The following P2RY12 variants were observed in gnomAD, a reference collection of about 807,000 sequenced individuals.
P2RY12 encodes the protein P2Y purinoceptor 12.
A neutral mutation model predicts 4.5 loss-of-function variants in P2RY12; 3 were observed. The ratio of observed to expected loss-of-function variants is 0.67; its 90% CI spans 0.31 to 1.74. The LOEUF (loss-of-function observed/expected upper bound fraction) is 1.74. Among genes scored for constraint, P2RY12 ranks in the 40% most tolerant of loss-of-function variants. P2RY12 has a pLI of 0.09. For missense variants in P2RY12, 356 were observed against 407.8 expected, an observed-to-expected ratio of 0.87 and a Z score of 1.09; for synonymous variants, 148 against 154.1, an observed-to-expected ratio of 0.96 and a Z score of 0.29.
At chr3:151,370,377 T>A (rs547175865) in intron 1 of P2RY12, among the ~76,000 whole-genome samples, 3 of 152,118 alleles carry the variant, frequency 2.0e-5, no homozygotes, top group Non-Finnish European at 4.4e-5. Context: ...TTTAGATGAG[T>A]CCTAAATAAC....
chr3:151,363,426 G>A (rs554332147), intron 1 of P2RY12, among the ~76,000 whole-genome samples: 10 of 152,104 alleles, frequency 6.6e-5, no homozygotes, highest in Non-Finnish European at 1.5e-4. Flanking sequence ...TCACACAGTT[G>A]TGTGAGAGGA....
At chr3:151,381,934 G>A (rs1712432721) in intron 1 of P2RY12, among the ~76,000 whole-genome samples, 1 of 152,180 alleles carries the variant, frequency 6.6e-6, no homozygotes, top group Admixed American at 6.5e-5. Context: ...TCTCATTAAT[G>A]ACCATATTTC....
intron 1 of P2RY12, among the ~76,000 whole-genome samples, chr3:151,372,100 A>C (rs1166672728): frequency 6.6e-6 from 1 of 152,212 alleles, no homozygotes; most frequent in African/African-American, 2.4e-5. Flanking sequence ...AGTTGATAGT[A>C]AGGTGGGCTA....
chr3:151,376,335 C>A, intron 1 of P2RY12: 1 of 791,460 alleles, frequency 1.3e-6, no homozygotes, highest in Non-Finnish European at 1.8e-6. Flanking sequence ...TTTTTATTCC[C>A]ACACATTTTC....
intron 1 of P2RY12, among the ~76,000 whole-genome samples, chr3:151,343,039 T>C (rs1366772047): frequency 6.6e-6 from 1 of 152,140 alleles, no homozygotes; most frequent in African/African-American, 2.4e-5. Flanking sequence ...TGTGTATTTC[T>C]GTACCTGAGA....
chr3:151,379,084 C>T (rs1244096004), intron 1 of P2RY12, among the ~76,000 whole-genome samples: 2 of 152,244 alleles, frequency 1.3e-5, no homozygotes, highest in South Asian at 2.1e-4. Context: ...CTCTTAACTA[C>T]AGTACATTTT....
chr3:151,339,269 C>A (rs544421972), intron 2 of P2RY12, among the ~76,000 whole-genome samples: 17 of 151,982 alleles, frequency 1.1e-4, no homozygotes, highest in African/African-American at 4.1e-4. Context: ...ACTTTTCCCC[C>A]CAACGTCCTT....
chr3:151,373,652 T>G lies in P2RY12; in HGVS notation c.-180+11040A>C, dbSNP rs575162868. ...GCCTGCCCTCCTCTCCCCTGTTTATTTATTATCCATATGGGTTATAATATA... is the reference window on the plus strand; with the variant it reads ...GCCTGCCCTCCTCTCCCCTGTTTATGTATTATCCATATGGGTTATAATATA... On this transcript the variant is annotated intron_variant, in intron 1 of 2. Coordinates refer to ENST00000302632, the MANE Select transcript of P2RY12 (RefSeq NM_022788.5). 3.3e-5 allele frequency among the ~76,000 whole-genome samples: 5 copies of G among 152,288 alleles called. No individual in the cohort carries two copies. In the East Asian group the frequency reaches 9.6e-4, roughly 29 times the overall value.
Position 151,362,739 on chromosome 3 carries a change from G to C in P2RY12, c.-180+21953C>G, listed in dbSNP as rs547085962. On this transcript the variant is annotated intron_variant, in intron 1 of 2. Coordinates refer to ENST00000302632, the MANE Select transcript of P2RY12 (RefSeq NM_022788.5). ...TGAAAAAAAAATCTGTTGAATGATA[G>C]TTATATCTAAGACAATTCATGTTTT... is the stretch of plus-strand genomic sequence containing the variant. Among the ~76,000 whole-genome samples, 103 of 152,206 alleles carry C rather than the reference G, an allele frequency of 6.8e-4. 1 individual carries two copies. Among genetic ancestry groups the C allele is most frequent in the African/African-American group, 2.4e-3 (100 of 41,556 alleles).
At chr3:151,355,278 TC>T (rs1182778234) in intron 1 of P2RY12, 1 of 1,424,726 alleles carries the variant, frequency 7.0e-7, no homozygotes, top group South Asian at 1.2e-5. Flanking sequence ...TTTGCAGTAT[TC>T]TAATTTACTT....
chr3:151,366,398 G>A (rs971146921), intron 1 of P2RY12, among the ~76,000 whole-genome samples: 2 of 152,174 alleles, frequency 1.3e-5, no homozygotes, highest in African/African-American at 4.8e-5. Flanking sequence ...TAAGTGCAAG[G>A]CGCAGTATAC....
chr3:151,369,612 T>C, intron 1 of P2RY12: 1 of 1,099,860 alleles, frequency 9.1e-7, no homozygotes, highest in Non-Finnish European at 1.3e-6. Flanking sequence ...AAATAATTTA[T>C]TTTCAGGTTT....
intron 1 of P2RY12, among the ~76,000 whole-genome samples, chr3:151,375,867 G>A (rs1408337955): frequency 6.6e-6 from 1 of 151,488 alleles, no homozygotes; most frequent in East Asian, 1.9e-4. Context: ...TAAAAATTTT[G>A]TTTTTTAAAA....
In P2RY12 at chr3:151,337,525, T is replaced by C; in HGVS notation, c.*292A>G. ...ACAGTAAATATTATATGATTACTCA[T>C]TTTGGCAAAACTCTGCAAAACATGA... On this transcript the variant is annotated 3_prime_UTR_variant, in exon 3 of 3. Coordinates refer to ENST00000302632, the MANE Select transcript of P2RY12 (RefSeq NM_022788.5). The C allele has an allele frequency of 3.1e-6, 1 of 323,308 alleles. No individual in the cohort carries two copies. The highest frequency in any genetic ancestry group is 5.7e-6 in the Non-Finnish European group (1 of 175,396). 20.0% of individuals were successfully genotyped at this position (323,308 alleles called of 1,614,324 possible). A position where few individuals can be genotyped will look rare whatever the true frequency, so the allele number is the denominator to read the frequency against.
At chr3:151,357,131 A>G in intron 1 of P2RY12, 2 of 1,183,468 alleles carry the variant, frequency 1.7e-6, no homozygotes, top group South Asian at 1.7e-5. Context: ...ATGACTCAGT[A>G]TATCTATGGT....
intron 1 of P2RY12, chr3:151,350,333 G>T: frequency 1.9e-5 from 15 of 779,272 alleles, no homozygotes; most frequent in Non-Finnish European, 2.7e-5. Context: ...CTCTCACATT[G>T]AAATGTGAAC....
chr3:151,377,039 A>G, intron 1 of P2RY12: 1 of 1,614,088 alleles, frequency 6.2e-7, no homozygotes, highest in Non-Finnish European at 8.5e-7. Flanking sequence ...CAATATTGCA[A>G]AGGCAACAAT....
chr3:151,376,720 GAGA>G (rs1164741227), intron 1 of P2RY12: 26 of 1,153,666 alleles, frequency 2.3e-5, no homozygotes, highest in Middle Eastern at 2.0e-4. Context: ...TCTTTCTTGA[GAGA>G]AGGAGTACTG....
chr3:151,369,551 T>G lies in P2RY12; in HGVS notation c.-180+15141A>C. The G allele has an allele frequency of 6.3e-7, 1 of 1,588,620 alleles. No individual in the cohort carries two copies. Among genetic ancestry groups the G allele is most frequent in the African/African-American group, 1.3e-5 (1 of 74,402 alleles). ...TCTTAAAAGCAATTATGATGCTTGG[T>G]AAGATTATTCTGACCCTAAGCTTCT... On this transcript the variant is annotated intron_variant, in intron 1 of 2. Transcript: ENST00000302632.
Sources: allele counts gnomAD v4.1 joint callset (sites outside exome capture counted in the v4.1 genomes callset), GRCh38; gene constraint gnomAD v4.1.1; transcripts MANE v1.5; gene names NCBI Gene and HGNC (gene_info 2026-07-23, HGNC 2026-07-21).